The following TEX11 variants were observed in gnomAD, a reference collection of about 807,000 sequenced individuals.
The protein encoded by TEX11 is testis-expressed protein 11.
A neutral mutation model predicts 84.4 loss-of-function variants in TEX11; 7 were observed. The observed-to-expected ratio is 0.08, with a 90% CI of 0.05 to 0.16. TEX11 has a LOEUF of 0.16. TEX11 is among the 10% of genes least tolerant of loss of function. TEX11 has a pLI of 1.00. For missense variants in TEX11, 551 were observed against 660.5 expected (o/e 0.83, Z 1.82); for synonymous variants, 264 against 222.8 (o/e 1.18, Z -1.64).
At chrX:70,828,792 T>G (rs970119759) in intron 8 of TEX11, among the ~76,000 whole-genome samples, 1 of 110,822 alleles carries the variant, frequency 9.0e-6, no homozygotes, top group Admixed American at 9.7e-5. Context: ...CTCAAGGCAT[T>G]TAATAATCAA....
chrX:70,793,330 G>A (rs1431623831), intron 9 of TEX11, among the ~76,000 whole-genome samples: 1 of 111,752 alleles, frequency 8.9e-6, no homozygotes, highest in Non-Finnish European at 1.9e-5. Context: ...ACATAGTACT[G>A]TGGTGTAGTT....
rs772310061 is a variant in TEX11 at position 70,895,049 on chromosome X, A to G, written c.37+12704T>C. Among the ~76,000 whole-genome samples, 79 of 111,768 alleles carry G rather than the reference A, an allele frequency of 7.1e-4. 1 individual carries two copies. Among genetic ancestry groups the G allele is most frequent in the African/African-American group, 1.9e-3 (59 of 30,819 alleles). Reference sequence around the variant, plus strand: ...TCTGGCCAGGTCAATGAGGCAAGAAAAAGAAATTAGTGGTATTCAAATAGG... The same window carrying G: ...TCTGGCCAGGTCAATGAGGCAAGAAGAAGAAATTAGTGGTATTCAAATAGG... On this transcript the variant is annotated intron_variant, in intron 2 of 29. Coordinates refer to ENST00000374333, the MANE Select transcript of TEX11 (RefSeq NM_031276.3).
intron 28 of TEX11, among the ~76,000 whole-genome samples, chrX:70,530,457 C>T (rs750420037): frequency 1.2e-3 from 140 of 112,137 alleles, no homozygotes; most frequent in Non-Finnish European, 2.4e-3. Context: ...TCAGAGTTAA[C>T]GATATCTACC....
chrX:70,523,235 C>T, the TEX11 span, among the ~76,000 whole-genome samples: 1 of 110,231 alleles, frequency 9.1e-6, no homozygotes, highest in African/African-American at 3.3e-5. Flanking sequence ...GTCTTCTCTG[C>T]CATCCAAACT....
the TEX11 span, among the ~76,000 whole-genome samples, chrX:70,518,438 T>A: frequency 8.9e-6 from 1 of 112,043 alleles, no homozygotes; most frequent in Non-Finnish European, 1.9e-5. Flanking sequence ...TAGTTTTGAG[T>A]GAGTTTCTTA....
intron 9 of TEX11, among the ~76,000 whole-genome samples, chrX:70,800,687 CTT>C (rs60458912): frequency 0.35 from 21,907 of 63,134 alleles, 2,068 homozygotes; most frequent in Admixed American, 0.55. Flanking sequence ...ATTTCATGTG[CTT>C]TTTTTTTTTT....
chrX:70,742,323 A>T, intron 10 of TEX11, among the ~76,000 whole-genome samples: 1 of 108,706 alleles, frequency 9.2e-6, no homozygotes, highest in South Asian at 3.8e-4. Flanking sequence ...CTGTTATATA[A>T]TAAGTGACAA....
intron 8 of TEX11, among the ~76,000 whole-genome samples, chrX:70,827,917 C>A (rs1405372066): frequency 9.0e-6 from 1 of 111,582 alleles, no homozygotes; most frequent in Non-Finnish European, 1.9e-5. Flanking sequence ...CCCAGCTCAA[C>A]ACAGAGACAG....
chrX:70,678,759 G>C, intron 15 of TEX11, 45 bp downstream of exon 15: 2 of 1,053,778 alleles, frequency 1.9e-6, no homozygotes, highest in Non-Finnish European at 2.6e-6. Context: ...ACTATTTTTT[G>C]TTGCAGTGGA....
intron 9 of TEX11, among the ~76,000 whole-genome samples, chrX:70,792,355 TATACAC>T (rs1221011011): frequency 0.026 from 245 of 9,407 alleles, 1 homozygote; most frequent in African/African-American, 0.053. Context: ...TATATATATA[TATACAC>T]ACACAAATAT....
At chrX:70,647,432 T>C (rs920128679) in intron 17 of TEX11, among the ~76,000 whole-genome samples, 2 of 110,591 alleles carry the variant, frequency 1.8e-5, no homozygotes, top group Admixed American at 9.7e-5. Flanking sequence ...TGAGGTAGGG[T>C]TGGGTGTGAT....
At chrX:70,563,760 T>C (rs2088410448) in intron 25 of TEX11, among the ~76,000 whole-genome samples, 2 of 112,942 alleles carry the variant, frequency 1.8e-5, no homozygotes, top group African/African-American at 6.4e-5. Context: ...CAAATGCTTT[T>C]TCTGCATCTA....
At chrX:70,516,317 C>G in the TEX11 span, among the ~76,000 whole-genome samples, 1 of 111,924 alleles carries the variant, frequency 8.9e-6, no homozygotes, top group East Asian at 2.8e-4. Flanking sequence ...AGGAAGGGAT[C>G]CAGTTTCAGC....
chrX:70,730,937 A>C (rs1162455495), intron 11 of TEX11, among the ~76,000 whole-genome samples: 2 of 112,211 alleles, frequency 1.8e-5, no homozygotes, highest in African/African-American at 6.5e-5. Flanking sequence ...AAACAACAGA[A>C]ATTATAACAA....
intron 2 of TEX11, among the ~76,000 whole-genome samples, chrX:70,886,158 C>G (rs745417076): frequency 9.0e-6 from 1 of 111,703 alleles, no homozygotes; most frequent in Non-Finnish European, 1.9e-5. Flanking sequence ...CACTGTAGCA[C>G]TATTCACAAT....
chrX:70,587,245 T>A lies in TEX11; in HGVS notation c.2140+4506A>T, dbSNP rs369254928. Among the ~76,000 whole-genome samples, 10 of 112,409 alleles carry A rather than the reference T, an allele frequency of 8.9e-5. No homozygotes were observed. The East Asian group carries it at 2.8e-3, about 32-fold the overall frequency. ...TTTGCATAAGTAATGAGGAGCCCAA[T>A]GTTAATCACAAAGACAATAGGGAAA... is the stretch of plus-strand genomic sequence containing the variant. On this transcript the variant is annotated intron_variant, in intron 25 of 29. Transcript: ENST00000374333.
At chrX:70,572,564 C>T (rs1427454640) in intron 25 of TEX11, among the ~76,000 whole-genome samples, 11 of 110,262 alleles carry the variant, frequency 1.0e-4, no homozygotes, top group East Asian at 5.7e-4. Flanking sequence ...ATGTTTATTG[C>T]GGCACTATTC....
chrX:70,755,026 C>T (rs991072976), intron 9 of TEX11, among the ~76,000 whole-genome samples: 4 of 112,013 alleles, frequency 3.6e-5, no homozygotes, highest in African/African-American at 9.7e-5. Context: ...CAAGCCAAGA[C>T]TGTGAAGTCT....
Position 70,811,676 on chromosome X carries a change from C to A in TEX11, c.607-4886G>T, listed in dbSNP as rs767407668. 5.4e-5 allele frequency among the ~76,000 whole-genome samples: 6 copies of A among 110,742 alleles called. No individual in the cohort carries two copies. In the South Asian group the frequency reaches 2.4e-3, roughly 45 times the overall value. On this transcript the variant is annotated intron_variant, in intron 8 of 29. Transcript: ENST00000374333. ...AAGTGTTCCTATTTCTCCACATCCT[C>A]TCCAGCACCTGTTGTTTCCTGACTT...
Sources: allele counts gnomAD v4.1 joint callset (sites outside exome capture counted in the v4.1 genomes callset), GRCh38; gene constraint gnomAD v4.1.1; transcripts MANE v1.5; gene names NCBI Gene and HGNC (gene_info 2026-07-23, HGNC 2026-07-21).